ADRA1A: variants seen among roughly 807,000 people sequenced by gnomAD.
ADRA1A encodes the protein adrenoceptor alpha 1A.
In ADRA1A, 31 loss-of-function variants were observed where a neutral mutation model predicts 29.6. That is an observed-to-expected ratio of 1.05 (90% confidence interval 0.79 to 1.41). The LOEUF (loss-of-function observed/expected upper bound fraction) is 1.41. ADRA1A is among the 40% of genes most tolerant of loss of function. ADRA1A has a pLI of 0.00. For synonymous variants in ADRA1A, 311 were observed against 254.3 expected, an observed-to-expected ratio of 1.22 and a Z score of -2.12; for missense variants, 619 against 601.1, an observed-to-expected ratio of 1.03 and a Z score of -0.31.
intron 2 of ADRA1A, among the ~76,000 whole-genome samples, chr8:26,863,246 T>C (rs1232715718): frequency 3.1e-4 from 47 of 152,224 alleles, no homozygotes; most frequent in Admixed American, 3.1e-3. Context: ...GATAGATGTC[T>C]ATTCCAAGTG....
At chr8:26,752,841 C>T (rs553435568), downstream of ADRA1A, among the ~76,000 whole-genome samples, 46 of 152,304 alleles carry the variant, frequency 3.0e-4, no homozygotes, top group African/African-American at 9.6e-4. Flanking sequence ...GCTAACTATA[C>T]GGCAGGCATT....
At chr8:26,767,925 C>A (rs2130254298), downstream of ADRA1A, among the ~76,000 whole-genome samples, 1 of 152,282 alleles carries the variant, frequency 6.6e-6, no homozygotes, top group African/African-American at 2.4e-5. Context: ...TTCATAGATG[C>A]CTGCCTCTAT....
At position 26,864,823 on chromosome 8, in the gene ADRA1A, G is replaced by A. The variant is rs1322769961; in HGVS notation, c.147C>T (p.Leu49=). Residue 49 remains leucine (L), a synonymous_variant, in exon 2 of 3, where the codon CTC becomes CTT. Transcript: ENST00000380573. The surrounding 1 kb of genome is among the most constrained non-coding windows in gnomAD (Gnocchi z 8.1). ...GCAGGTGTCGGTGACAGGCTACGGAGAGGATCACTAGGATGTTACCCAGCA... is the reference window on the plus strand; with the variant it reads ...GCAGGTGTCGGTGACAGGCTACGGAAAGGATCACTAGGATGTTACCCAGCA... ...FGVLGNILVI[L]SVACHRHLHS... The A allele has an allele frequency of 6.2e-7, 1 of 1,614,148 alleles. No homozygotes were observed. The highest frequency in any genetic ancestry group is 8.5e-7 in the Non-Finnish European group (1 of 1,180,020).
chr8:26,788,131 C>T (rs1807539065), intron 2 of ADRA1A, among the ~76,000 whole-genome samples: 2 of 152,126 alleles, frequency 1.3e-5, no homozygotes, highest in Non-Finnish European at 2.9e-5. Context: ...AATGTGCTCA[C>T]ATTTCTTGCA....
downstream of ADRA1A, chr8:26,766,301 G>C: frequency 1.5e-6 from 1 of 645,534 alleles, no homozygotes; most frequent in Non-Finnish European, 2.8e-6. Flanking sequence ...CACCCGATAT[G>C]TGTCCTGTCA....
At chr8:26,788,084 T>A (rs114880510) in intron 2 of ADRA1A, among the ~76,000 whole-genome samples, 1,562 of 152,274 alleles carry the variant, frequency 0.01, 23 homozygotes, top group African/African-American at 0.036. Context: ...GAATTTCTCT[T>A]ATTCAGAGTG....
chr8:26,778,555 C>G (rs965261440), intron 2 of ADRA1A, among the ~76,000 whole-genome samples: 5 of 152,006 alleles, frequency 3.3e-5, no homozygotes, highest in African/African-American at 1.2e-4. Flanking sequence ...AAATGTCCAA[C>G]AATGATAGAC....
At chr8:26,750,066 G>T (rs1036924428) in intron 2 of ADRA1A, among the ~76,000 whole-genome samples, 11 of 152,192 alleles carry the variant, frequency 7.2e-5, no homozygotes. Flanking sequence ...CAGCTCTGGA[G>T]GCTGGGAAGT....
At chr8:26,855,961 G>A (rs1041189866) in intron 2 of ADRA1A, among the ~76,000 whole-genome samples, 2 of 152,158 alleles carry the variant, frequency 1.3e-5, no homozygotes, top group African/African-American at 2.4e-5. Flanking sequence ...AAGTGACTAA[G>A]GATTATTACT....
In ADRA1A at chr8:26,796,073, G is replaced by T. The variant is rs181722268; in HGVS notation, c.884-25407C>A. 1.3e-5 allele frequency among the ~76,000 whole-genome samples: 2 copies of T among 152,220 alleles called. No individual in the cohort carries two copies. The highest frequency in any genetic ancestry group is 3.9e-4 in the East Asian group (2 of 5,178). Reference sequence around the variant, plus strand: ...ATTATTGTTATACATTTCAAAAAAAGAGTAATGTTTAGAAGTAAATAGTAA... The same window carrying T: ...ATTATTGTTATACATTTCAAAAAAATAGTAATGTTTAGAAGTAAATAGTAA... On this transcript the variant is annotated intron_variant, in intron 2 of 2. Transcript: ENST00000380573. The surrounding 1 kb of genome is among the most constrained non-coding windows in gnomAD (Gnocchi z 5.0).
rs1017739577 is a variant in ADRA1A at position 26,823,829 on chromosome 8, C to G, written c.883+40258G>C. ...GTGAAGAACCCGAGGTACCATAAGA[C>G]TATGGCTTGGTCAAAACCCCACAAT... On this transcript the variant is annotated intron_variant, in intron 2 of 2. Coordinates refer to ENST00000380573, the MANE Select transcript of ADRA1A (RefSeq NM_000680.4). This position sits in a 1 kb window ranked among gnomAD's most constrained non-coding sequence, Gnocchi z 4.2. Among the ~76,000 whole-genome samples the G allele has an allele frequency of 1.3e-5, 2 of 152,202 alleles. No homozygotes were observed. The highest frequency in any genetic ancestry group is 3.8e-4 in the East Asian group (2 of 5,196).
downstream of ADRA1A, among the ~76,000 whole-genome samples, chr8:26,753,436 G>T (rs73229701): frequency 0.088 from 10,737 of 122,432 alleles, 413 homozygotes; most frequent in Admixed American, 0.1. Context: ...TATTTGTTTT[G>T]CAGTATACTT....
chr8:26,769,811 G>A lies in ADRA1A; in HGVS notation c.*338C>T, dbSNP rs1234231179. The A allele has an allele frequency of 9.7e-7, 1 of 1,033,440 alleles. No individual in the cohort carries two copies. The highest frequency in any genetic ancestry group is 4.6e-5 in the South Asian group (1 of 21,938). 64.0% of individuals were successfully genotyped at this position (1,033,440 alleles called of 1,614,324 possible). On this transcript the variant is annotated 3_prime_UTR_variant, in exon 3 of 3. Transcript: ENST00000380573. ...TAGAGTGTGTGCTCAAAATATTCAT[G>A]ATGAAATCATAATCCTATATTTATA...
At chr8:26,849,897 G>T (rs1812485923) in intron 2 of ADRA1A, among the ~76,000 whole-genome samples, 1 of 151,992 alleles carries the variant, frequency 6.6e-6, no homozygotes, top group Admixed American at 6.5e-5. Flanking sequence ...ACCATATGGA[G>T]TGGGATGGAG....
chr8:26,820,837 T>C (rs1003523325), intron 2 of ADRA1A, among the ~76,000 whole-genome samples: 2 of 152,186 alleles, frequency 1.3e-5, no homozygotes, highest in Non-Finnish European at 2.9e-5. Flanking sequence ...TTGTAAGAAA[T>C]AATACAGACA....
Position 26,830,258 on chromosome 8 carries a change from A to G in ADRA1A, c.883+33829T>C, listed in dbSNP as rs76398287. On this transcript the variant is annotated intron_variant, in intron 2 of 2. Coordinates refer to ENST00000380573, the MANE Select transcript of ADRA1A (RefSeq NM_000680.4). ...TATTGGAAGAGATGCTTCATGGTTTATTTCTTCTGCACCTGCCCTCAAAGC... is the reference window on the plus strand; with the variant it reads ...TATTGGAAGAGATGCTTCATGGTTTGTTTCTTCTGCACCTGCCCTCAAAGC... Among the ~76,000 whole-genome samples, 1,299 of 152,308 alleles carry G rather than the reference A, an allele frequency of 8.5e-3. 14 individuals are homozygous for G. Among genetic ancestry groups the G allele is most frequent in the Non-Finnish European group, 0.013 (882 of 68,018 alleles).
intron 2 of ADRA1A, among the ~76,000 whole-genome samples, chr8:26,789,265 G>C (rs1383894040): frequency 6.6e-6 from 1 of 152,116 alleles, no homozygotes; most frequent in Non-Finnish European, 1.5e-5. Context: ...AAAATATGTT[G>C]TGAAGCTACA....
At chr8:26,750,490 C>T (rs539495720) in intron 2 of ADRA1A, among the ~76,000 whole-genome samples, 3 of 152,286 alleles carry the variant, frequency 2.0e-5, no homozygotes, top group African/African-American at 7.2e-5. Context: ...GCATGAGCCA[C>T]CACACCCAGC....
intron 2 of ADRA1A, among the ~76,000 whole-genome samples, chr8:26,802,517 A>G (rs532751543): frequency 6.6e-6 from 1 of 152,368 alleles, no homozygotes; most frequent in South Asian, 2.1e-4. Flanking sequence ...AATCAAAACT[A>G]CAATGAGTTA....
Sources: allele counts gnomAD v4.1 joint callset (sites outside exome capture counted in the v4.1 genomes callset), GRCh38; gene constraint gnomAD v4.1.1; non-coding constraint Gnocchi (gnomAD v3.1); transcripts MANE v1.5; gene names NCBI Gene and HGNC (gene_info 2026-07-23, HGNC 2026-07-21).